RNF182: variants seen among roughly 807,000 people sequenced by gnomAD.
RNF182 encodes the protein E3 ubiquitin-protein ligase RNF182.
A neutral mutation model predicts 14.4 loss-of-function variants in RNF182; 15 were observed. That is an observed-to-expected ratio of 1.04 (90% confidence interval 0.70 to 1.60). RNF182 has a LOEUF of 1.60. RNF182 is among the 40% of genes most tolerant of loss of function. RNF182 has a pLI of 0.00. For missense variants in RNF182, 268 were observed against 294.8 expected, an observed-to-expected ratio of 0.91 and a Z score of 0.67; for synonymous variants, 128 against 122.9, an observed-to-expected ratio of 1.04 and a Z score of -0.27.
Position 13,977,061 on chromosome 6 carries a change from TAATC to T in RNF182, c.-56_-53del. On this transcript the variant is annotated 5_prime_UTR_variant, in exon 3 of 3. Transcript: ENST00000488300. ...TGATATGATATTCAGAGGGGCACCTTAATCAAAGCCATTCTTCAACAAGACCCAC... is the reference window on the plus strand; with the variant it reads ...TGATATGATATTCAGAGGGGCACCTTAAAGCCATTCTTCAACAAGACCCAC... 1 of 1,536,284 alleles carries T rather than the reference TAATC, an allele frequency of 6.5e-7. No individual in the cohort carries two copies. The highest frequency in any genetic ancestry group is 1.9e-5 in the Admixed American group (1 of 53,220).
intron 1 of RNF182, chr6:13,949,449 A>C (rs760104297): frequency 1.6e-5 from 11 of 672,890 alleles, no homozygotes; most frequent in East Asian, 2.7e-5. Flanking sequence ...CTTTGACTTC[A>C]TTCTGGCCTT....
Position 13,977,101 on chromosome 6 carries a change from A to G in RNF182, c.-19A>G, listed in dbSNP as rs374549696. 2.9e-5 allele frequency: 47 copies of G among 1,601,276 alleles called. 1 individual carries two copies. The African/African-American group carries it at 4.9e-4, about 17-fold the overall frequency. On this transcript the variant is annotated 5_prime_UTR_variant, in exon 3 of 3. Coordinates refer to ENST00000488300, the MANE Select transcript of RNF182 (RefSeq NM_152737.4). ...TTCAACAAGACCCACCTGGCATAAG[A>G]TTGCACACATAATTCAAGATGGCCA...
chr6:13,950,678 G>A (rs1439902026), intron 1 of RNF182, among the ~76,000 whole-genome samples: 5 of 151,962 alleles, frequency 3.3e-5, no homozygotes, highest in East Asian at 1.9e-4. Flanking sequence ...TGTATTTTTA[G>A]TAGAGATGGG....
chr6:13,977,636 T>C lies in RNF182; in HGVS notation c.517T>C (p.Cys173Arg). The C allele has an allele frequency of 6.2e-7, 1 of 1,614,188 alleles. No individual in the cohort carries two copies. The highest frequency in any genetic ancestry group is 8.5e-7 in the Non-Finnish European group (1 of 1,180,010). ...TVSHNWTVWN[C>R]TSLLFQTSIR... is the part of the protein sequence containing the mutation. Reference sequence around the variant, plus strand: ...GTCACACAACTGGACTGTGTGGAACTGCACGTCCCTGCTGTTTCAGACATC... The same window carrying C: ...GTCACACAACTGGACTGTGTGGAACCGCACGTCCCTGCTGTTTCAGACATC... Residue 173 changes from cysteine to arginine, a missense_variant, in exon 3 of 3, where the codon TGC (cysteine) becomes CGC (arginine). Transcript: ENST00000488300.
intron 1 of RNF182, among the ~76,000 whole-genome samples, chr6:13,932,918 A>G (rs955150456): frequency 7.2e-5 from 11 of 152,250 alleles, no homozygotes. Context: ...AAGGAAGTTT[A>G]TAATCTCAGA....
chr6:13,977,686 A>G lies in RNF182; in HGVS notation c.567A>G (p.Leu189=). The change falls in exon 3 of 3, where the codon CTA becomes CTG. Residue 189 remains leucine, a synonymous_variant. Transcript: ENST00000488300. ...QTSIRVLVWL[L]GLLYFSSLPL... ...CCATCCGGGTGTTAGTGTGGTTGCT[A>G]GGTTTGCTCTACTTCAGCTCCTTAC... 6.2e-7 allele frequency: 1 copy of G among 1,614,112 alleles called. No individual in the cohort carries two copies. The highest frequency in any genetic ancestry group is 8.5e-7 in the Non-Finnish European group (1 of 1,179,996).
intron 1 of RNF182, among the ~76,000 whole-genome samples, chr6:13,926,689 C>T (rs1758836471): frequency 6.6e-6 from 1 of 151,856 alleles, no homozygotes; most frequent in African/African-American, 2.4e-5. Flanking sequence ...GCATGAACAG[C>T]AAATAGGATA....
In RNF182 at chr6:13,979,046, A is replaced by T; in HGVS notation, c.*1183A>T. Reference sequence around the variant, plus strand: ...CCCTGCTTGAAAAGACCCTTCAAGGAAGTAAAATGGCAGGGGCAGAGTGCA... The same window carrying T: ...CCCTGCTTGAAAAGACCCTTCAAGGTAGTAAAATGGCAGGGGCAGAGTGCA... On this transcript the variant is annotated 3_prime_UTR_variant, in exon 3 of 3. Coordinates refer to ENST00000488300, the MANE Select transcript of RNF182 (RefSeq NM_152737.4). 6.0e-6 allele frequency: 1 copy of T among 167,202 alleles called. No homozygotes were observed. Among genetic ancestry groups the T allele is most frequent in the Non-Finnish European group, 1.5e-5 (1 of 68,106 alleles). The allele number at this position is 167,202 out of a possible 1,614,324, so 10.4% of individuals were successfully genotyped here. A position where few individuals can be genotyped will look rare whatever the true frequency, so the allele number is the denominator to read the frequency against.
At chr6:13,976,817 C>T (rs1242983293) in intron 2 of RNF182, 92 bp from the exon 3 acceptor site, 5 of 327,142 alleles carry the variant, frequency 1.5e-5, no homozygotes, top group South Asian at 7.5e-5. Context: ...TGCTTCTAAT[C>T]CTTGAAGCTC....
intron 1 of RNF182, among the ~76,000 whole-genome samples, chr6:13,964,084 TAAA>T (rs879651812): frequency 1.4e-5 from 2 of 138,536 alleles, no homozygotes; most frequent in Admixed American, 7.2e-5. Context: ...TTTTAAAATG[TAAA>T]AAAAAAAAAA....
chr6:13,941,539 A>G (rs1759299580), intron 1 of RNF182, among the ~76,000 whole-genome samples: 1 of 152,212 alleles, frequency 6.6e-6, no homozygotes, highest in South Asian at 2.1e-4. Context: ...AAAGTACTTG[A>G]TAATATAATT....
chr6:13,940,454 T>G (rs975148303), intron 1 of RNF182, among the ~76,000 whole-genome samples: 1 of 152,194 alleles, frequency 6.6e-6, no homozygotes, highest in Non-Finnish European at 1.5e-5. Context: ...AGTAGCTGAA[T>G]AGTGCCTCCC....
chr6:13,973,977 A>G (rs1334284402), intron 1 of RNF182, among the ~76,000 whole-genome samples: 1 of 152,220 alleles, frequency 6.6e-6, no homozygotes, highest in Non-Finnish European at 1.5e-5. Flanking sequence ...AGCTTTTGAC[A>G]GAAGTGAAGG....
At position 13,974,293 on chromosome 6, in the gene RNF182, C is replaced by T. The variant is rs1344402306; in HGVS notation, c.-283C>T. ...CCTGGTCTTGCCCAGAAGAGCCGTT[C>T]TTAGAGGCAGGACTTGATGAAGGCT... On this transcript the variant is annotated 5_prime_UTR_variant, in exon 2 of 3. Coordinates refer to ENST00000488300, the MANE Select transcript of RNF182 (RefSeq NM_152737.4). 6.6e-6 allele frequency: 1 copy of T among 152,074 alleles called. No homozygotes were observed. The allele number at this position is 152,074 out of a possible 1,614,324, so 9.4% of individuals were successfully genotyped here.
chr6:13,924,845 G>T (rs988694192), upstream of RNF182: 3 of 150,838 alleles, frequency 2.0e-5, no homozygotes, highest in African/African-American at 7.3e-5. Context: ...AGGGCCGGGG[G>T]GGCCCCGGCG....
At chr6:13,931,228 C>G (rs1001804535) in intron 1 of RNF182, among the ~76,000 whole-genome samples, 1 of 152,160 alleles carries the variant, frequency 6.6e-6, no homozygotes, top group African/African-American at 2.4e-5. Flanking sequence ...GAGTTATTTT[C>G]TGTCTCCTGA....
intron 1 of RNF182, among the ~76,000 whole-genome samples, chr6:13,956,744 G>A (rs941598722): frequency 1.2e-4 from 18 of 152,088 alleles, no homozygotes; most frequent in African/African-American, 2.7e-4. Context: ...AATTATGACC[G>A]TCTTCAAGGA....
intron 1 of RNF182, among the ~76,000 whole-genome samples, chr6:13,961,314 C>T (rs6907416): frequency 0.35 from 52,494 of 152,068 alleles, 9,432 homozygotes; most frequent in East Asian, 0.44. Flanking sequence ...CTAGTCGCAT[C>T]CATATAGTGC....
intron 1 of RNF182, among the ~76,000 whole-genome samples, chr6:13,947,560 T>C (rs749331069): frequency 6.6e-5 from 10 of 152,220 alleles, no homozygotes; most frequent in Non-Finnish European, 1.5e-4. Context: ...GATTAGACTT[T>C]TTAAAGCCTT....
Sources: gnomAD v4.1 joint callset for allele counts (sites outside exome capture counted in the v4.1 genomes callset) on GRCh38, gnomAD v4.1.1 for gene constraint, MANE v1.5 for transcripts, NCBI Gene and HGNC (gene_info 2026-07-23, HGNC 2026-07-21) for gene names.